The following NKAIN2 variants were observed in gnomAD, a reference collection of about 807,000 sequenced individuals.
NKAIN2 encodes sodium/potassium-transporting ATPase subunit beta-1-interacting protein 2.
In NKAIN2, 14 loss-of-function variants were observed where a neutral mutation model predicts 32.6. That is an observed-to-expected ratio of 0.43 (90% confidence interval 0.28 to 0.67). The LOEUF is 0.67. NKAIN2 is among the 30% of genes least tolerant of loss of function. The pLI is 0.17. For synonymous variants in NKAIN2, 80 were observed against 87.2 expected (o/e 0.92, Z 0.46); for missense variants, 198 against 258.3 (o/e 0.77, Z 1.60).
intron 4 of NKAIN2, among the ~76,000 whole-genome samples, chr6:124,668,549 T>C (rs1439372091): frequency 6.6e-6 from 1 of 152,166 alleles, no homozygotes; most frequent in East Asian, 1.9e-4. Flanking sequence ...GCAGGTTCTA[T>C]TTTATTTTTT....
At chr6:124,803,505 C>CA (rs146087848) in intron 5 of NKAIN2, among the ~76,000 whole-genome samples, 3,028 of 152,300 alleles carry the variant, frequency 0.02, 33 homozygotes, top group Non-Finnish European at 0.031. Flanking sequence ...TGATAATATA[C>CA]AAGGCCATTT....
chr6:124,635,063 G>A (rs1474030313), intron 3 of NKAIN2, among the ~76,000 whole-genome samples: 1 of 147,808 alleles, frequency 6.8e-6, no homozygotes, highest in Non-Finnish European at 1.5e-5. Context: ...AAGAGAGAAA[G>A]AAAGAGAAAA....
intron 1 of NKAIN2, among the ~76,000 whole-genome samples, chr6:123,876,530 C>T (rs1363152457): frequency 1.3e-5 from 2 of 152,140 alleles, no homozygotes; most frequent in South Asian, 2.1e-4. Context: ...AATTTGCTGT[C>T]TGCAAGCTAG....
chr6:124,336,825 C>T (rs1400498972), intron 2 of NKAIN2, among the ~76,000 whole-genome samples: 2 of 151,698 alleles, frequency 1.3e-5, no homozygotes, highest in African/African-American at 4.8e-5. Flanking sequence ...AGGCATGCAC[C>T]CCACACCCGG....
chr6:123,817,453 A>T (rs375542678), intron 1 of NKAIN2, among the ~76,000 whole-genome samples: 2 of 152,164 alleles, frequency 1.3e-5, no homozygotes, highest in Non-Finnish European at 2.9e-5. Flanking sequence ...TAGAAATAAC[A>T]GGACACTTTC....
At chr6:124,613,792 T>G (rs1782781613) in intron 3 of NKAIN2, among the ~76,000 whole-genome samples, 1 of 152,174 alleles carries the variant, frequency 6.6e-6, no homozygotes, top group African/African-American at 2.4e-5. Flanking sequence ...CCCACATGAA[T>G]GCAAGATTCA....
rs78727266 is a variant in NKAIN2, at chr6:124,793,778, A to T, written c.535+2379A>T. On this transcript the variant is annotated intron_variant, in intron 5 of 6. Transcript: ENST00000368417. Reference sequence around the variant, plus strand: ...AACATTTCTGAGAGTACTGCCAGAAAAAAGTATGTCCTTTTTTTTGTTTTC... The same window carrying T: ...AACATTTCTGAGAGTACTGCCAGAATAAAGTATGTCCTTTTTTTTGTTTTC... Among the ~76,000 whole-genome samples, 728 of 152,258 alleles carry T rather than the reference A, an allele frequency of 4.8e-3. 3 individuals carry two copies. The highest frequency in any genetic ancestry group is 0.017 in the African/African-American group (692 of 41,550).
At chr6:123,859,434 T>C (rs1775693421) in intron 1 of NKAIN2, among the ~76,000 whole-genome samples, 1 of 152,136 alleles carries the variant, frequency 6.6e-6, no homozygotes, top group African/African-American at 2.4e-5. Flanking sequence ...TTCTGTTTTC[T>C]TCTGTTATAG....
intron 1 of NKAIN2, among the ~76,000 whole-genome samples, chr6:123,960,364 T>C (rs1777789457): frequency 1.3e-5 from 2 of 152,112 alleles, no homozygotes; most frequent in Non-Finnish European, 2.9e-5. Flanking sequence ...AGGGACCTCT[T>C]CTCCTCTAGA....
intron 2 of NKAIN2, 150 bp from the exon 3 acceptor site, chr6:124,355,117 A>G: frequency 3.8e-6 from 2 of 531,736 alleles, no homozygotes; most frequent in South Asian, 6.0e-5. Context: ...ACAGAGATAA[A>G]CGTACATCTA....
At chr6:123,889,318 A>G (rs1773885179) in intron 1 of NKAIN2, among the ~76,000 whole-genome samples, 1 of 152,120 alleles carries the variant, frequency 6.6e-6, no homozygotes, top group Admixed American at 6.6e-5. Context: ...TTAAGTCACT[A>G]AGAATGGTTT....
rs539201580 is a variant in NKAIN2 at position 124,488,608 on chromosome 6, G to C, written c.273+133261G>C. On this transcript the variant is annotated intron_variant, in intron 3 of 6. Transcript: ENST00000368417. ...TGTAAGCAAAGCACAATGGTGGAGGGAAGGTTTCTTCAAATAAGCATATCT... is the reference window on the plus strand; with the variant it reads ...TGTAAGCAAAGCACAATGGTGGAGGCAAGGTTTCTTCAAATAAGCATATCT... 3.3e-5 allele frequency among the ~76,000 whole-genome samples: 5 copies of C among 152,096 alleles called. No homozygotes were observed. The East Asian group carries it at 7.7e-4, about 24-fold the overall frequency.
chr6:124,083,402 A>G (rs1410493253), intron 1 of NKAIN2, among the ~76,000 whole-genome samples: 2 of 151,866 alleles, frequency 1.3e-5, no homozygotes, highest in Non-Finnish European at 2.9e-5. Flanking sequence ...ACTTTTTTAA[A>G]CATAAAAAAG....
At chr6:124,167,535 G>A (rs1242778533) in intron 1 of NKAIN2, among the ~76,000 whole-genome samples, 3 of 152,086 alleles carry the variant, frequency 2.0e-5, no homozygotes, top group African/African-American at 7.2e-5. Flanking sequence ...GAATGCCCTG[G>A]CCAGAACTTC....
At chr6:123,857,304 G>A (rs926864393) in intron 1 of NKAIN2, among the ~76,000 whole-genome samples, 5 of 151,482 alleles carry the variant, frequency 3.3e-5, no homozygotes, top group African/African-American at 1.2e-4. Context: ...TGGACAGTGC[G>A]ACCAGGGGCT....
intron 4 of NKAIN2, among the ~76,000 whole-genome samples, chr6:124,758,258 C>G (rs1250186922): frequency 1.3e-5 from 2 of 152,018 alleles, no homozygotes; most frequent in African/African-American, 2.4e-5. Flanking sequence ...TTGCTTGTGT[C>G]TCCTCAAAAC....
intron 4 of NKAIN2, among the ~76,000 whole-genome samples, chr6:124,701,153 GCACACA>G (rs60670238): frequency 1.5e-5 from 2 of 132,030 alleles, no homozygotes; most frequent in Admixed American, 7.7e-5. Context: ...ACACACACAC[GCACACA>G]CACACACACA....
At chr6:124,314,750 C>G (rs1235942206) in intron 2 of NKAIN2, among the ~76,000 whole-genome samples, 1 of 152,182 alleles carries the variant, frequency 6.6e-6, no homozygotes, top group African/African-American at 2.4e-5. Context: ...GCTGTGAGCC[C>G]TCAACAGCTA....
At chr6:123,976,384 T>TATTCCC (rs1778626322) in intron 1 of NKAIN2, among the ~76,000 whole-genome samples, 7 of 47,282 alleles carry the variant, frequency 1.5e-4, no homozygotes, top group African/African-American at 3.7e-4. Context: ...TATATATATA[T>TATTCCC]ATATATATAT....
Sources: allele counts gnomAD v4.1 joint callset (sites outside exome capture counted in the v4.1 genomes callset), GRCh38; gene constraint gnomAD v4.1.1; transcripts MANE v1.5; gene names NCBI Gene and HGNC (gene_info 2026-07-23, HGNC 2026-07-21).